The following RASAL2 variants were observed in gnomAD, a reference collection of about 807,000 sequenced individuals.
RASAL2 encodes the protein RAS protein activator like 2, also known as ras GTPase-activating protein nGAP.
RASAL2 carries 58 observed loss-of-function variants against 128.9 expected under a neutral mutation model. The observed-to-expected ratio is 0.45, with a 90% CI of 0.36 to 0.56. The LOEUF (loss-of-function observed/expected upper bound fraction) is 0.56, where lower values mean the gene tolerates loss of function less well. Among genes scored for constraint, RASAL2 ranks in the 20% least tolerant of loss-of-function variants. The probability of loss-of-function intolerance (pLI) is 0.00; values close to 1 mark genes in which losing one functional copy is unlikely to be tolerated. For missense variants in RASAL2, 1,360 were observed against 1,601.6 expected, an observed-to-expected ratio of 0.85 and a Z score of 2.57; for synonymous variants, 561 against 580.8, an observed-to-expected ratio of 0.97 and a Z score of 0.49.
intron 1 of RASAL2, among the ~76,000 whole-genome samples, chr1:178,264,767 A>G (rs1216735787): frequency 6.6e-6 from 1 of 151,966 alleles, no homozygotes; most frequent in East Asian, 1.9e-4. Context: ...TTTTAATGGA[A>G]CTCTATTACA....
intron 3 of RASAL2, among the ~76,000 whole-genome samples, chr1:178,311,253 A>AC (rs1668232217): frequency 1.2e-4 from 17 of 143,708 alleles, no homozygotes; most frequent in South Asian, 4.5e-4. Context: ...CACACACACA[A>AC]ACACACACAC....
chr1:178,350,947 C>T (rs1670439947), intron 3 of RASAL2, among the ~76,000 whole-genome samples: 1 of 152,180 alleles, frequency 6.6e-6, no homozygotes, highest in Non-Finnish European at 1.5e-5. Flanking sequence ...GTACAGGAAG[C>T]ATGGCATCAT....
intron 5 of RASAL2, among the ~76,000 whole-genome samples, chr1:178,429,059 C>A (rs1675716679): frequency 6.6e-6 from 1 of 152,090 alleles, no homozygotes; most frequent in Admixed American, 6.5e-5. Context: ...GGGACTTTTT[C>A]AGAGATTTAT....
intron 3 of RASAL2, among the ~76,000 whole-genome samples, chr1:178,376,360 A>T (rs918315935): frequency 2.0e-5 from 3 of 152,162 alleles, no homozygotes; most frequent in Admixed American, 1.3e-4. Context: ...GCCTGAAGAA[A>T]TCTGTGACTG....
At chr1:178,209,141 A>G (rs1663167296) in intron 1 of RASAL2, among the ~76,000 whole-genome samples, 1 of 151,950 alleles carries the variant, frequency 6.6e-6, no homozygotes, top group African/African-American at 2.4e-5. Flanking sequence ...ATAATTTTAT[A>G]TTAAATTATC....
intron 5 of RASAL2, among the ~76,000 whole-genome samples, chr1:178,431,833 T>C (rs745984599): frequency 3.3e-5 from 5 of 150,424 alleles, no homozygotes; most frequent in Non-Finnish European, 5.9e-5. Flanking sequence ...AATGAATATG[T>C]ATATATAGAC....
chr1:178,114,056 T>C (rs993227869), intron 1 of RASAL2, among the ~76,000 whole-genome samples: 1 of 151,412 alleles, frequency 6.6e-6, no homozygotes, highest in African/African-American at 2.4e-5. Flanking sequence ...ATTTATTATT[T>C]CTAGTGTTTT....
At chr1:178,368,034 C>T (rs1671497934) in intron 3 of RASAL2, among the ~76,000 whole-genome samples, 1 of 152,130 alleles carries the variant, frequency 6.6e-6, no homozygotes, top group Non-Finnish European at 1.5e-5. Context: ...TGTTTTTGTG[C>T]TATAACAGTG....
intron 1 of RASAL2, among the ~76,000 whole-genome samples, chr1:178,186,086 A>G (rs1662282413): frequency 6.6e-6 from 1 of 151,968 alleles, no homozygotes; most frequent in African/African-American, 2.4e-5. Context: ...AAAGTTATCT[A>G]TTTCTTTTTG....
intron 3 of RASAL2, among the ~76,000 whole-genome samples, chr1:178,380,624 T>C (rs535900368): frequency 7.2e-5 from 11 of 152,340 alleles, no homozygotes; most frequent in Non-Finnish European, 1.0e-4. Flanking sequence ...AACTATTTTT[T>C]AGTTGTTAAA....
intron 3 of RASAL2, among the ~76,000 whole-genome samples, chr1:178,365,220 A>T (rs1671335041): frequency 6.6e-6 from 1 of 152,178 alleles, no homozygotes; most frequent in Admixed American, 6.5e-5. Context: ...CTAAATCTAG[A>T]TAAATGAAAA....
At chr1:178,360,405 T>A (rs1404896697) in intron 3 of RASAL2, among the ~76,000 whole-genome samples, 1 of 152,218 alleles carries the variant, frequency 6.6e-6, no homozygotes, top group Non-Finnish European at 1.5e-5. Context: ...CTGCGTGTGT[T>A]CCAGTGCTGG....
chr1:178,470,854 G>A lies in RASAL2; in HGVS notation c.3679-2221G>A, dbSNP rs990154184. 3 of 643,760 alleles carry A rather than the reference G, an allele frequency of 4.7e-6. No homozygotes were observed. The African/African-American group carries it at 5.7e-5, about 12-fold the overall frequency. 39.9% of individuals were successfully genotyped at this position (643,760 alleles called of 1,614,324 possible). Reference sequence around the variant, plus strand: ...CTTCCTGTCAGGTGTGGACTAGATTGCTTTCCCTTACAATCCAGGCAGAAT... The same window carrying A: ...CTTCCTGTCAGGTGTGGACTAGATTACTTTCCCTTACAATCCAGGCAGAAT... On this transcript the variant is annotated intron_variant, in intron 17 of 17. Transcript: ENST00000367649.
intron 1 of RASAL2, among the ~76,000 whole-genome samples, chr1:178,163,370 C>G (rs746180948): frequency 1.3e-5 from 2 of 152,082 alleles, no homozygotes; most frequent in Non-Finnish European, 2.9e-5. Context: ...AGCCAGTAAG[C>G]CATTACCTAT....
intron 1 of RASAL2, among the ~76,000 whole-genome samples, chr1:178,158,749 C>T (rs1330661077): frequency 1.3e-5 from 2 of 152,052 alleles, no homozygotes; most frequent in African/African-American, 4.8e-5. Flanking sequence ...AATTCAAATC[C>T]CTAAGTTGCT....
intron 1 of RASAL2, among the ~76,000 whole-genome samples, chr1:178,231,098 A>C (rs1442687648): frequency 6.6e-6 from 1 of 151,884 alleles, no homozygotes; most frequent in Non-Finnish European, 1.5e-5. Flanking sequence ...CACCAGTTTC[A>C]TGTGTTTCTA....
chr1:178,393,497 T>C (rs1231230511), intron 4 of RASAL2, among the ~76,000 whole-genome samples: 1 of 152,186 alleles, frequency 6.6e-6, no homozygotes, highest in African/African-American at 2.4e-5. Context: ...GAGCTCAGGC[T>C]GCAAGTCGAT....
At chr1:178,181,871 AG>A (rs1249413999) in intron 1 of RASAL2, among the ~76,000 whole-genome samples, 1 of 152,114 alleles carries the variant, frequency 6.6e-6, no homozygotes, top group Non-Finnish European at 1.5e-5. Flanking sequence ...CATCATGTCA[AG>A]GGTACACACT....
rs573618524 is a variant in RASAL2 at position 178,094,666 on chromosome 1, C to T, written c.174C>T (p.Cys58=). Residue 58 remains cysteine (C), a synonymous_variant, in exon 1 of 18, where the codon TGC becomes TGT. Coordinates refer to ENST00000367649, the MANE Select transcript of RASAL2 (RefSeq NM_170692.4). ...MLDRILLESV[C]QQQSWVRVYD... ...ATCGGATCCTTCTGGAGTCCGTGTG[C>T]CAGCAACAGAGCTGGGTCCGGGTGT... The T allele has an allele frequency of 5.6e-6, 9 of 1,613,974 alleles. No homozygotes were observed. Among genetic ancestry groups the T allele is most frequent in the Non-Finnish European group, 7.6e-6 (9 of 1,180,036 alleles).
Sources: allele counts gnomAD v4.1 joint callset (sites outside exome capture counted in the v4.1 genomes callset), GRCh38; gene constraint gnomAD v4.1.1; transcripts MANE v1.5; gene names NCBI Gene and HGNC (gene_info 2026-07-23, HGNC 2026-07-21).